LYN: variants seen among roughly 807,000 people sequenced by gnomAD.
LYN encodes the protein LYN proto-oncogene, Src family tyrosine kinase.
A neutral mutation model predicts 65.0 loss-of-function variants in LYN; 12 were observed. That is an observed-to-expected ratio of 0.18 (90% CI 0.12 to 0.30). LYN has a LOEUF of 0.30. Ranked by LOEUF, LYN falls within the 10% of genes least tolerant of loss-of-function variation. The pLI is 1.00. For missense variants in LYN, 380 were observed against 623.2 expected, an observed-to-expected ratio of 0.61 and a Z score of 4.16; for synonymous variants, 222 against 221.2, an observed-to-expected ratio of 1.00 and a Z score of -0.03.
At position 55,973,527 on chromosome 8, in the gene LYN, A is replaced by AG. The variant is rs1207107975; in HGVS notation, c.1050+3735dup. 3.9e-5 allele frequency among the ~76,000 whole-genome samples: 6 copies of AG among 152,368 alleles called. 1 individual carries two copies. The highest frequency in any genetic ancestry group is 1.4e-4 in the African/African-American group (6 of 41,590). ...TGGCTTTTAGGCCCTATGTCAGAGAAGAAAAATGAACTTGGAAAGAAAAGG... is the reference window on the plus strand; with the variant it reads ...TGGCTTTTAGGCCCTATGTCAGAGAAGGAAAAATGAACTTGGAAAGAAAAGG... On this transcript the variant is annotated intron_variant, in intron 10 of 12. Coordinates refer to ENST00000519728, the MANE Select transcript of LYN (RefSeq NM_002350.4).
intron 12 of LYN, among the ~76,000 whole-genome samples, chr8:56,006,964 A>G (rs1808689674): frequency 6.6e-6 from 1 of 152,240 alleles, no homozygotes; most frequent in Middle Eastern, 3.4e-3. Context: ...CCTTCTTCCA[A>G]TTCTTCTTAT....
chr8:56,011,349 T>G lies in LYN; in HGVS notation c.*1239T>G, dbSNP rs1288393160. The G allele has an allele frequency of 4.6e-6, 1 of 218,142 alleles. No homozygotes were observed. The highest frequency in any genetic ancestry group is 2.2e-5 in the African/African-American group (1 of 44,560). The allele number at this position is 218,142 out of a possible 1,614,324, so 13.5% of individuals were successfully genotyped here. A position where few individuals can be genotyped will look rare whatever the true frequency, so the allele number is the denominator to read the frequency against. On this transcript the variant is annotated 3_prime_UTR_variant, in exon 13 of 13. Coordinates refer to ENST00000519728, the MANE Select transcript of LYN (RefSeq NM_002350.4). ...TGTATATACCTAATATTTCTATTTTTGATTTTATTTTAATACACCTCGTCC... is the reference window on the plus strand; with the variant it reads ...TGTATATACCTAATATTTCTATTTTGGATTTTATTTTAATACACCTCGTCC...
At chr8:55,915,700 C>A (rs1051732964) in intron 1 of LYN, among the ~76,000 whole-genome samples, 1 of 151,954 alleles carries the variant, frequency 6.6e-6, no homozygotes, top group Non-Finnish European at 1.5e-5. Flanking sequence ...GAGCAAGACT[C>A]CGTCTCAAAA....
chr8:55,996,601 T>G (rs563766170), intron 10 of LYN, among the ~76,000 whole-genome samples: 1 of 152,154 alleles, frequency 6.6e-6, no homozygotes, highest in African/African-American at 2.4e-5. Context: ...CTTCCTTCCT[T>G]CATTTCCTTG....
intron 12 of LYN, among the ~76,000 whole-genome samples, chr8:56,003,560 T>G (rs1808590275): frequency 6.6e-6 from 1 of 151,464 alleles, no homozygotes; most frequent in Admixed American, 6.6e-5. Context: ...CCTAGCTACT[T>G]GAGAGGCTGA....
chr8:55,946,596 T>G (rs1806785407), intron 3 of LYN, 103 bp downstream of exon 3: 3 of 761,778 alleles, frequency 3.9e-6, no homozygotes, highest in Non-Finnish European at 4.5e-6. Context: ...TTGTGGGACA[T>G]ATATAACATA....
At chr8:55,899,229 C>T (rs1805195205) in intron 1 of LYN, among the ~76,000 whole-genome samples, 1 of 152,072 alleles carries the variant, frequency 6.6e-6, no homozygotes, top group East Asian at 1.9e-4. Context: ...TAGTCAATTC[C>T]TTAAAAGGTG....
intron 2 of LYN, among the ~76,000 whole-genome samples, chr8:55,946,166 C>T (rs765437658): frequency 2.6e-5 from 4 of 152,186 alleles, no homozygotes; most frequent in Non-Finnish European, 5.9e-5. Context: ...AGGGCTCTGT[C>T]ACCAAAGAAG....
chr8:55,886,724 G>C (rs1016274825), intron 1 of LYN, among the ~76,000 whole-genome samples: 1 of 152,152 alleles, frequency 6.6e-6, no homozygotes, highest in Admixed American at 6.5e-5. Context: ...GGATTGGCCA[G>C]CTCCATCAGA....
chr8:55,886,137 C>G (rs1331445066), intron 1 of LYN, among the ~76,000 whole-genome samples: 1 of 152,040 alleles, frequency 6.6e-6, no homozygotes, highest in Non-Finnish European at 1.5e-5. Flanking sequence ...AATGTTCAGG[C>G]TACATAATAA....
intron 1 of LYN, among the ~76,000 whole-genome samples, chr8:55,887,577 C>T (rs74944310): frequency 2.1e-3 from 174 of 81,228 alleles, no homozygotes; most frequent in East Asian, 3.3e-3. Flanking sequence ...TATATATATA[C>T]ACACACACAC....
chr8:55,896,561 G>A (rs773992136), intron 1 of LYN, among the ~76,000 whole-genome samples: 3 of 151,938 alleles, frequency 2.0e-5, no homozygotes, highest in African/African-American at 7.3e-5. Context: ...TGTAGATGAC[G>A]GGATGGTGGG....
At chr8:55,962,579 A>G (rs1346739499) in intron 8 of LYN, among the ~76,000 whole-genome samples, 1 of 150,802 alleles carries the variant, frequency 6.6e-6, no homozygotes, top group East Asian at 2.0e-4. Context: ...TTCATTCCAT[A>G]TGGTATTGGT....
intron 1 of LYN, among the ~76,000 whole-genome samples, chr8:55,906,098 G>A (rs1463879080): frequency 6.6e-6 from 1 of 152,214 alleles, no homozygotes; most frequent in East Asian, 1.9e-4. Context: ...TCAGAGGGCT[G>A]GGATGGTGAG....
In LYN at chr8:55,968,016, A is replaced by G. The variant is rs773295400; in HGVS notation, c.973+1119A>G. Among the ~76,000 whole-genome samples the G allele has an allele frequency of 9.2e-5, 14 of 152,300 alleles. No homozygotes were observed. The South Asian group carries it at 1.2e-3, about 14-fold the overall frequency. On this transcript the variant is annotated intron_variant, in intron 9 of 12. Coordinates refer to ENST00000519728, the MANE Select transcript of LYN (RefSeq NM_002350.4). Reference sequence around the variant, plus strand: ...TGAATATTACATTTTCTTATTTAATATCTGTGAGTATTTCAAAATATCAGT... The same window carrying G: ...TGAATATTACATTTTCTTATTTAATGTCTGTGAGTATTTCAAAATATCAGT...
At chr8:55,934,027 A>G (rs1585613585) in intron 1 of LYN, among the ~76,000 whole-genome samples, 1 of 152,184 alleles carries the variant, frequency 6.6e-6, no homozygotes. Context: ...GGAGTTCGAG[A>G]CCAGCCTGGC....
intron 4 of LYN, among the ~76,000 whole-genome samples, chr8:55,949,783 C>T (rs1036341429): frequency 1.3e-5 from 2 of 152,122 alleles, no homozygotes; most frequent in Non-Finnish European, 2.9e-5. Flanking sequence ...ATTCACAATA[C>T]CATACAATCC....
At chr8:55,887,039 G>A (rs1316368401) in intron 1 of LYN, among the ~76,000 whole-genome samples, 24 of 152,150 alleles carry the variant, frequency 1.6e-4, no homozygotes, top group Admixed American at 1.6e-3. Context: ...GTCCAATAGG[G>A]AGGTTTATTA....
chr8:55,896,897 C>T (rs1039297095), intron 1 of LYN, among the ~76,000 whole-genome samples: 3 of 152,086 alleles, frequency 2.0e-5, no homozygotes, highest in Admixed American at 2.0e-4. Context: ...CCGCCATCAC[C>T]CCCAGCTAAT....
Sources: gnomAD v4.1 joint callset for allele counts (sites outside exome capture counted in the v4.1 genomes callset) on GRCh38, gnomAD v4.1.1 for gene constraint, MANE v1.5 for transcripts, NCBI Gene and HGNC (gene_info 2026-07-23, HGNC 2026-07-21) for gene names.